The following RGS6 variants were observed in gnomAD, a reference collection of about 807,000 sequenced individuals.
RGS6 encodes the protein regulator of G protein signaling 6, also known as regulator of G-protein signaling 6.
In RGS6, 30 loss-of-function variants were observed where a neutral mutation model predicts 78.5. The ratio of observed to expected loss-of-function variants is 0.38; its 90% CI spans 0.29 to 0.52. The LOEUF (loss-of-function observed/expected upper bound fraction) is 0.52. Ranked by LOEUF, RGS6 falls within the 20% of genes least tolerant of loss-of-function variation. The probability of loss-of-function intolerance (pLI) is 0.85; values close to 1 mark genes in which losing one functional copy is unlikely to be tolerated. For synonymous variants in RGS6, 206 were observed against 206.0 expected (o/e 1.00, Z 0.00); for missense variants, 495 against 609.7 (o/e 0.81, Z 1.98).
At chr14:72,475,352 T>A (rs917915782) in intron 10 of RGS6, among the ~76,000 whole-genome samples, 8 of 151,604 alleles carry the variant, frequency 5.3e-5, no homozygotes, top group African/African-American at 1.9e-4. Context: ...ATGCTCAGAC[T>A]CCCCCACGAT....
intron 2 of RGS6, among the ~76,000 whole-genome samples, chr14:72,239,704 G>T (rs2153822382): frequency 6.6e-6 from 1 of 152,290 alleles, no homozygotes; most frequent in South Asian, 2.1e-4. Flanking sequence ...CTGGGCCTCA[G>T]CCCTCCTCTG....
At chr14:72,619,646 G>A in the RGS6 span, among the ~76,000 whole-genome samples, 1 of 152,126 alleles carries the variant, frequency 6.6e-6, no homozygotes, top group African/African-American at 2.4e-5. Flanking sequence ...ACACCTCCCG[G>A]TCATCTCCAC....
chr14:72,252,441 G>T (rs1033847927), intron 2 of RGS6, among the ~76,000 whole-genome samples: 1 of 152,176 alleles, frequency 6.6e-6, no homozygotes, highest in Non-Finnish European at 1.5e-5. Flanking sequence ...AGTGAATTTA[G>T]TGCTGATCCC....
the RGS6 span, among the ~76,000 whole-genome samples, chr14:72,606,655 C>T: frequency 2.6e-5 from 4 of 152,200 alleles, no homozygotes; most frequent in Admixed American, 6.5e-5. Flanking sequence ...CACTTTTCCC[C>T]GCTGATAGTT....
At chr14:72,501,358 G>A (rs1053866374) in intron 13 of RGS6, among the ~76,000 whole-genome samples, 1 of 151,698 alleles carries the variant, frequency 6.6e-6, no homozygotes, top group Non-Finnish European at 1.5e-5. Flanking sequence ...CAAGCTATTC[G>A]ATCTGGAAGT....
intron 3 of RGS6, among the ~76,000 whole-genome samples, chr14:72,401,714 TAAAG>T (rs1024538144): frequency 2.7e-5 from 4 of 149,412 alleles, no homozygotes; most frequent in African/African-American, 9.8e-5. Context: ...ATGCTTAAAA[TAAAG>T]CAAGGAAGAT....
At chr14:72,404,945 G>A (rs767771776) in intron 3 of RGS6, among the ~76,000 whole-genome samples, 1 of 152,242 alleles carries the variant, frequency 6.6e-6, no homozygotes, top group Non-Finnish European at 1.5e-5. Context: ...TCAGGATGAA[G>A]AGTAGTGAGA....
At chr14:72,073,455 C>G (rs979094195) in intron 2 of RGS6, among the ~76,000 whole-genome samples, 1 of 152,108 alleles carries the variant, frequency 6.6e-6, no homozygotes, top group African/African-American at 2.4e-5. Flanking sequence ...AAGATTAATT[C>G]AATCATTTAC....
the RGS6 span, among the ~76,000 whole-genome samples, chr14:72,613,933 G>T: frequency 6.6e-6 from 1 of 152,082 alleles, no homozygotes; most frequent in African/African-American, 2.4e-5. Flanking sequence ...CACATCCCGG[G>T]TGCCCAGCAG....
At chr14:72,216,288 G>A (rs2045549029) in intron 2 of RGS6, among the ~76,000 whole-genome samples, 1 of 152,190 alleles carries the variant, frequency 6.6e-6, no homozygotes, top group Admixed American at 6.5e-5. Context: ...AGCCAACCTT[G>A]CTGGATGTTG....
In RGS6 at chr14:72,355,846, A is replaced by G. The variant is rs560713871; in HGVS notation, c.184+3652A>G. Among the ~76,000 whole-genome samples the G allele has an allele frequency of 4.9e-4, 74 of 152,326 alleles. 1 individual carries two copies. Among genetic ancestry groups the G allele is most frequent in the African/African-American group, 1.7e-3 (72 of 41,568 alleles). On this transcript the variant is annotated intron_variant, in intron 3 of 17. Transcript: ENST00000553525. ...GAGGGAGAGAGCATGCCAGACAGCC[A>G]GAGCTCAGTGCCCAAGGCAAGAGAG...
chr14:71,929,806 C>G (rs1666532663), upstream of RGS6, among the ~76,000 whole-genome samples: 1 of 152,118 alleles, frequency 6.6e-6, no homozygotes, highest in Admixed American at 6.5e-5. Flanking sequence ...TTTCTATCAG[C>G]ATGGACTCAT....
At chr14:72,328,829 A>G (rs1317513476) in intron 2 of RGS6, among the ~76,000 whole-genome samples, 1 of 152,180 alleles carries the variant, frequency 6.6e-6, no homozygotes, top group Non-Finnish European at 1.5e-5. Flanking sequence ...AAAATGTGAA[A>G]TATATACAAT....
the RGS6 span, among the ~76,000 whole-genome samples, chr14:72,600,835 C>T: frequency 3.9e-5 from 6 of 152,190 alleles, no homozygotes; most frequent in African/African-American, 9.6e-5. Flanking sequence ...TCTCCCCTGC[C>T]GCATCCCCAC....
At chr14:72,482,461 T>C (rs2096401016) in intron 12 of RGS6, among the ~76,000 whole-genome samples, 1 of 152,082 alleles carries the variant, frequency 6.6e-6, no homozygotes, top group South Asian at 2.1e-4. Flanking sequence ...ACCCCAAAAC[T>C]CAGTGGCTTA....
chr14:72,393,730 G>T (rs2090530492), intron 3 of RGS6, among the ~76,000 whole-genome samples: 1 of 152,160 alleles, frequency 6.6e-6, no homozygotes, highest in Non-Finnish European at 1.5e-5. Flanking sequence ...CTGATGCCTG[G>T]TCATTCGCCT....
At chr14:72,044,064 T>C (rs1342216643) in intron 2 of RGS6, among the ~76,000 whole-genome samples, 1 of 152,182 alleles carries the variant, frequency 6.6e-6, no homozygotes. Flanking sequence ...GTTCTCTGAT[T>C]CTTTCTTCAG....
intron 12 of RGS6, among the ~76,000 whole-genome samples, chr14:72,487,453 A>G (rs776503401): frequency 2.5e-4 from 38 of 152,250 alleles, no homozygotes; most frequent in South Asian, 8.3e-4. Context: ...AGGAGAATTC[A>G]GGTTGCAGGT....
At position 72,476,724 on chromosome 14, in the gene RGS6, G is replaced by C. The variant is rs774200699; in HGVS notation, c.694-18G>C. On this transcript the variant is annotated intron_variant, in intron 10 of 17. Transcript: ENST00000553525. ...ATTCTGTGGGTGGATGATCCTCTGT[G>C]CTTGCTTCTTCTCCTAGTCCGTGTA... The C allele has an allele frequency of 3.5e-5, 56 of 1,611,902 alleles. No homozygotes were observed. The highest frequency in any genetic ancestry group is 4.2e-5 in the Non-Finnish European group (50 of 1,178,288).
Sources: gnomAD v4.1 joint callset for allele counts (sites outside exome capture counted in the v4.1 genomes callset) on GRCh38, gnomAD v4.1.1 for gene constraint, MANE v1.5 for transcripts, NCBI Gene and HGNC (gene_info 2026-07-23, HGNC 2026-07-21) for gene names.